Variants in PLCL2 observed in about 807,000 individuals in gnomAD.
PLCL2 encodes phospholipase C like 2.
Under a neutral mutation model 79.6 loss-of-function variants are expected in PLCL2, and 4 were observed. That is an observed-to-expected ratio of 0.05 (90% CI 0.02 to 0.11). PLCL2 has a LOEUF of 0.11. Among genes scored for constraint, PLCL2 ranks in the 10% least tolerant of loss-of-function variants. The pLI is 1.00. For synonymous variants in PLCL2, 484 were observed against 457.7 expected (o/e 1.06, Z -0.73); for missense variants, 895 against 1,291.0 (o/e 0.69, Z 4.70).
At chr3:16,980,401 G>A (rs1002722608) in intron 1 of PLCL2, among the ~76,000 whole-genome samples, 1 of 147,320 alleles carries the variant, frequency 6.8e-6, no homozygotes, top group African/African-American at 2.5e-5. Flanking sequence ...CGGCCGGAGG[G>A]GCTCCTCACT....
chr3:16,902,881 T>TGTGCGC (rs1272936432), intron 1 of PLCL2, among the ~76,000 whole-genome samples: 48 of 133,912 alleles, frequency 3.6e-4, no homozygotes, highest in African/African-American at 1.3e-3. Flanking sequence ...TGTGTGTGTG[T>TGTGCGC]GNGCGCATGT....
chr3:16,971,402 G>A (rs901880835), intron 1 of PLCL2, among the ~76,000 whole-genome samples: 1 of 152,142 alleles, frequency 6.6e-6, no homozygotes, highest in Non-Finnish European at 1.5e-5. Context: ...TGAGGGCTCT[G>A]TTCTGTTCCA....
chr3:16,951,134 G>C (rs921384996), intron 1 of PLCL2, among the ~76,000 whole-genome samples: 4 of 151,958 alleles, frequency 2.6e-5, no homozygotes, highest in African/African-American at 9.7e-5. Context: ...TTTTTTTCCT[G>C]AGTAGTTTAT....
chr3:16,887,512 T>C lies in PLCL2; in HGVS notation c.327+2146T>C, dbSNP rs992793100. 6.6e-6 allele frequency among the ~76,000 whole-genome samples: 1 copy of C among 152,242 alleles called. No homozygotes were observed. The highest frequency in any genetic ancestry group is 1.5e-5 in the Non-Finnish European group (1 of 68,038). On this transcript the variant is annotated intron_variant, in intron 1 of 5. Transcript: ENST00000615277. This position sits in a 1 kb window ranked among gnomAD's most constrained non-coding sequence, Gnocchi z 4.1. ...TTCACTTTGCATTTTCTTAAAACTT[T>C]CGAAAATTATGGAAGTAGTGTTGAA...
At chr3:16,911,030 A>G (rs563025197) in intron 1 of PLCL2, among the ~76,000 whole-genome samples, 20 of 152,164 alleles carry the variant, frequency 1.3e-4, no homozygotes, top group Non-Finnish European at 2.5e-4. Flanking sequence ...AGGTGGGTGG[A>G]TCACTTGAGG....
chr3:16,958,362 C>T (rs942440237), intron 1 of PLCL2, among the ~76,000 whole-genome samples: 2 of 152,064 alleles, frequency 1.3e-5, no homozygotes, highest in Non-Finnish European at 2.9e-5. Context: ...CTTATATACC[C>T]ACCATTTGCA....
At chr3:17,046,780 G>A (rs570570085) in intron 4 of PLCL2, among the ~76,000 whole-genome samples, 1 of 152,092 alleles carries the variant, frequency 6.6e-6, no homozygotes, top group South Asian at 2.1e-4. Flanking sequence ...GGTCTTGGGG[G>A]GCCTGACACA....
intron 1 of PLCL2, among the ~76,000 whole-genome samples, chr3:16,918,227 A>G (rs1304485789): frequency 6.6e-6 from 1 of 152,206 alleles, no homozygotes; most frequent in Admixed American, 6.5e-5. Context: ...TCAGCAAGGC[A>G]TTTAAACCAG....
chr3:17,003,855 T>G (rs959631809), intron 1 of PLCL2, among the ~76,000 whole-genome samples: 2 of 152,128 alleles, frequency 1.3e-5, no homozygotes, highest in African/African-American at 4.8e-5. Flanking sequence ...CTTCTACCCT[T>G]TTCCCAGTGG....
intron 1 of PLCL2, among the ~76,000 whole-genome samples, chr3:16,973,053 C>T (rs772736547): frequency 2.6e-5 from 4 of 152,062 alleles, no homozygotes; most frequent in Non-Finnish European, 5.9e-5. Flanking sequence ...TATGCAGACT[C>T]GGTTGCGTGA....
In PLCL2 at chr3:16,902,826, CAAAA is replaced by C. The variant is rs777160871; in HGVS notation, c.327+17476_327+17479del. On this transcript the variant is annotated intron_variant, in intron 1 of 5. Transcript: ENST00000615277. Reference sequence around the variant, plus strand: ...TGGTAAACAGAGCTACACTCCATCTCAAAAAAAAAAAAAAAAAAATGCAGTGCGT... The same window carrying C: ...TGGTAAACAGAGCTACACTCCATCTCAAAAAAAAAAAAAAATGCAGTGCGT... Among the ~76,000 whole-genome samples the C allele has an allele frequency of 1.1e-4, 8 of 73,684 alleles. No homozygotes were observed. In the East Asian group the frequency reaches 1.9e-3, roughly 17 times the overall value. 48.3% of individuals were successfully genotyped at this position (73,684 alleles called of 152,430 possible).
intron 1 of PLCL2, among the ~76,000 whole-genome samples, chr3:16,904,795 A>G (rs1012225006): frequency 9.9e-5 from 15 of 152,194 alleles, no homozygotes; most frequent in African/African-American, 3.6e-4. Flanking sequence ...GTGAGTTCTC[A>G]TGAGATCTGA....
intron 5 of PLCL2, among the ~76,000 whole-genome samples, chr3:17,072,602 G>A (rs1055952984): frequency 6.6e-6 from 1 of 151,330 alleles, no homozygotes; most frequent in East Asian, 1.9e-4. Flanking sequence ...CCAGGAGGCG[G>A]AGGTTGCAGT....
At chr3:17,068,652 ATATAT>A (rs1366218424) in intron 5 of PLCL2, among the ~76,000 whole-genome samples, 7 of 152,194 alleles carry the variant, frequency 4.6e-5, no homozygotes, top group African/African-American at 1.7e-4. Flanking sequence ...TATAAAAATA[ATATAT>A]TTTCATTGTC....
At chr3:17,081,207 G>C in intron 5 of PLCL2, 2 of 456,744 alleles carry the variant, frequency 4.4e-6, no homozygotes, top group South Asian at 3.1e-5. Context: ...ACAGGAAGGA[G>C]GAGTATTTTT....
At chr3:16,940,320 C>T (rs1215293966) in intron 1 of PLCL2, among the ~76,000 whole-genome samples, 1 of 152,162 alleles carries the variant, frequency 6.6e-6, no homozygotes, top group East Asian at 1.9e-4. Flanking sequence ...GTTTAGTTTC[C>T]CTCGTCCTTT....
In PLCL2 at chr3:16,942,470, T is replaced by G. The variant is rs1297599185; in HGVS notation, c.327+57104T>G. 1.3e-5 allele frequency among the ~76,000 whole-genome samples: 2 copies of G among 151,798 alleles called. 1 individual carries two copies. The highest frequency in any genetic ancestry group is 4.8e-5 in the African/African-American group (2 of 41,292). Reference sequence around the variant, plus strand: ...AAAACAAGCCCTGAAAGAGAAGGAGTGCGTCCTTCCCTCCCAGGTGCTCAC... The same window carrying G: ...AAAACAAGCCCTGAAAGAGAAGGAGGGCGTCCTTCCCTCCCAGGTGCTCAC... On this transcript the variant is annotated intron_variant, in intron 1 of 5. Coordinates refer to ENST00000615277, the MANE Select transcript of PLCL2 (RefSeq NM_001144382.2).
At chr3:16,974,144 G>C (rs1360198852) in intron 1 of PLCL2, among the ~76,000 whole-genome samples, 1 of 152,190 alleles carries the variant, frequency 6.6e-6, no homozygotes, top group Non-Finnish European at 1.5e-5. Context: ...GCATGAGCCA[G>C]GACTTGGGAG....
At chr3:16,885,428 T>TG in intron 1 of PLCL2, 62 bp downstream of exon 1, 1 of 545,026 alleles carries the variant, frequency 1.8e-6, no homozygotes, top group Non-Finnish European at 3.3e-6. Context: ...ATTTTCTCCC[T>TG]GGGGGAGTGG....
Sources: allele counts gnomAD v4.1 joint callset (sites outside exome capture counted in the v4.1 genomes callset), GRCh38; gene constraint gnomAD v4.1.1; non-coding constraint Gnocchi (gnomAD v3.1); transcripts MANE v1.5; gene names NCBI Gene and HGNC (gene_info 2026-07-23, HGNC 2026-07-21).